The following DCDC1 variants were observed in gnomAD, a reference collection of about 807,000 sequenced individuals.
DCDC1 encodes doublecortin domain containing 1, also known as doublecortin domain-containing protein 1.
Under a neutral mutation model 178.3 loss-of-function variants are expected in DCDC1, and 200 were observed. The observed-to-expected ratio is 1.12, with a 90% CI of 1.00 to 1.26. The LOEUF (loss-of-function observed/expected upper bound fraction) is 1.26, where lower values mean the gene tolerates loss of function less well. Ranked by LOEUF, DCDC1 falls within the 50% of genes most tolerant of loss-of-function variation. DCDC1 has a pLI of 0.00. For missense variants in DCDC1, 1,983 were observed against 1,749.2 expected (o/e 1.13, Z -2.38); for synonymous variants, 690 against 604.8 (o/e 1.14, Z -2.07).
At chr11:31,128,497 T>G (rs996732217) in intron 10 of DCDC1, among the ~76,000 whole-genome samples, 1 of 152,158 alleles carries the variant, frequency 6.6e-6, no homozygotes, top group African/African-American at 2.4e-5. Flanking sequence ...TAGGCTGGAT[T>G]CTTACATAAA....
At chr11:30,903,400 T>G (rs1944838874) in intron 32 of DCDC1, 82 bp downstream of exon 32, 1 of 1,273,758 alleles carries the variant, frequency 7.9e-7, no homozygotes, top group East Asian at 2.8e-5. Context: ...CTGAAAAAAC[T>G]GACTAAATGA....
chr11:31,195,872 A>G (rs1970635224), intron 9 of DCDC1, among the ~76,000 whole-genome samples: 1 of 152,066 alleles, frequency 6.6e-6, no homozygotes. Context: ...ACATACTAAT[A>G]ATAATCATTT....
At chr11:31,364,138 A>G (rs1037540544) in intron 1 of DCDC1, among the ~76,000 whole-genome samples, 1 of 152,206 alleles carries the variant, frequency 6.6e-6, no homozygotes, top group Non-Finnish European at 1.5e-5. Context: ...GAGCACAATT[A>G]AAGTAGGCTA....
At chr11:31,346,645 G>A (rs1013052643) in intron 1 of DCDC1, among the ~76,000 whole-genome samples, 1 of 152,078 alleles carries the variant, frequency 6.6e-6, no homozygotes, top group Admixed American at 6.6e-5. Context: ...GGAAATGATT[G>A]TATTGAATAT....
chr11:30,985,175 C>A (rs1170340728), intron 20 of DCDC1, among the ~76,000 whole-genome samples: 1 of 152,010 alleles, frequency 6.6e-6, no homozygotes, highest in Non-Finnish European at 1.5e-5. Flanking sequence ...CACTTCTTGG[C>A]AATAATTGTG....
At chr11:31,322,144 G>A (rs914689463) in intron 3 of DCDC1, among the ~76,000 whole-genome samples, 1 of 152,174 alleles carries the variant, frequency 6.6e-6, no homozygotes, top group African/African-American at 2.4e-5. Flanking sequence ...CTCTGCAAGA[G>A]TAAGATCCTT....
chr11:31,213,001 C>T (rs1302140613), intron 9 of DCDC1, among the ~76,000 whole-genome samples: 3 of 151,788 alleles, frequency 2.0e-5, no homozygotes, highest in Admixed American at 6.6e-5. Context: ...AGGAAGCTTT[C>T]TTCCTTCTCT....
At chr11:31,198,999 AATAAAAAACCTGATTG>A (rs1971001286) in intron 9 of DCDC1, among the ~76,000 whole-genome samples, 1 of 152,094 alleles carries the variant, frequency 6.6e-6, no homozygotes, top group Non-Finnish European at 1.5e-5. Context: ...TGTAGTTGTC[AATAAAAAACCTGATTG>A]ATTTTATTTT....
chr11:31,119,909 T>C (rs1960548350), intron 11 of DCDC1, among the ~76,000 whole-genome samples: 1 of 152,200 alleles, frequency 6.6e-6, no homozygotes, highest in South Asian at 2.1e-4. Flanking sequence ...AATCTGTTCA[T>C]AGTGTTGTCA....
intron 9 of DCDC1, chr11:31,215,178 T>C (rs1371337944): frequency 3.9e-6 from 1 of 254,436 alleles, no homozygotes; most frequent in Admixed American, 3.9e-5. Flanking sequence ...ACCTGTAGTC[T>C]CAGCAACTCG....
At chr11:31,050,126 G>A (rs145728282) in intron 20 of DCDC1, among the ~76,000 whole-genome samples, 2 of 152,198 alleles carry the variant, frequency 1.3e-5, no homozygotes, top group East Asian at 1.9e-4. Flanking sequence ...AGTCCATCTC[G>A]CCCTCATCTG....
chr11:31,269,684 C>T (rs762241320), intron 7 of DCDC1, among the ~76,000 whole-genome samples: 1 of 152,106 alleles, frequency 6.6e-6, no homozygotes, highest in African/African-American at 2.4e-5. Context: ...CTGCACCTGG[C>T]CTGTTAATTC....
At chr11:31,335,954 T>A (rs552305156) in intron 1 of DCDC1, among the ~76,000 whole-genome samples, 1 of 152,358 alleles carries the variant, frequency 6.6e-6, no homozygotes, top group South Asian at 2.1e-4. Flanking sequence ...TTAGTGTTGT[T>A]CTGAAATAAA....
At chr11:31,009,882 C>A (rs1390676112) in intron 20 of DCDC1, among the ~76,000 whole-genome samples, 1 of 152,170 alleles carries the variant, frequency 6.6e-6, no homozygotes. Flanking sequence ...AAGCAGGCAC[C>A]TTCTTCACAA....
At chr11:31,146,781 T>G (rs1232234069) in intron 9 of DCDC1, among the ~76,000 whole-genome samples, 1 of 152,224 alleles carries the variant, frequency 6.6e-6, no homozygotes, top group Non-Finnish European at 1.5e-5. Flanking sequence ...TTAACTGGTC[T>G]GTGACACTAT....
At chr11:31,105,539 T>C (rs1006558181) in intron 13 of DCDC1, among the ~76,000 whole-genome samples, 1 of 151,396 alleles carries the variant, frequency 6.6e-6, no homozygotes. Flanking sequence ...CACTTTAAAA[T>C]TCATCAGTTT....
At chr11:31,246,099 G>A (rs1286089695) in intron 8 of DCDC1, among the ~76,000 whole-genome samples, 1 of 151,870 alleles carries the variant, frequency 6.6e-6, no homozygotes, top group East Asian at 1.9e-4. Flanking sequence ...TGTGCATACT[G>A]CATTTCAATC....
intron 22 of DCDC1, among the ~76,000 whole-genome samples, chr11:30,925,882 A>G (rs948444272): frequency 1.3e-5 from 2 of 152,090 alleles, no homozygotes; most frequent in South Asian, 4.1e-4. Flanking sequence ...CAAGTTCCTC[A>G]GCTCCCTCCA....
At chr11:31,173,069 A>G (rs945189543) in intron 9 of DCDC1, among the ~76,000 whole-genome samples, 2 of 152,250 alleles carry the variant, frequency 1.3e-5, no homozygotes, top group African/African-American at 4.8e-5. Context: ...AGAGAAAAAC[A>G]GATGACCTCG....
Sources: allele counts gnomAD v4.1 joint callset (sites outside exome capture counted in the v4.1 genomes callset), GRCh38; gene constraint gnomAD v4.1.1; transcripts MANE v1.5; gene names NCBI Gene and HGNC (gene_info 2026-07-23, HGNC 2026-07-21).